Variants in FBH1 observed in about 807,000 individuals in gnomAD.
The protein encoded by FBH1 is DNA 3'-5' helicase 1.
In FBH1, 43 loss-of-function variants were observed where a neutral mutation model predicts 115.5. The ratio of observed to expected loss-of-function variants is 0.37; its 90% CI spans 0.29 to 0.48. The LOEUF (loss-of-function observed/expected upper bound fraction) is 0.48. Among genes scored for constraint, FBH1 ranks in the 20% least tolerant of loss-of-function variants. FBH1 has a pLI of 0.99. For missense variants in FBH1, 1,001 were observed against 1,337.3 expected (o/e 0.75, Z 3.92); for synonymous variants, 524 against 507.8 (o/e 1.03, Z -0.43).
At position 5,900,996 on chromosome 10, in the gene FBH1, C is replaced by G. The variant is rs1843311021; in HGVS notation, c.2-2024C>G. Among the ~76,000 whole-genome samples, 1 of 151,916 alleles carries G rather than the reference C, an allele frequency of 6.6e-6. No individual in the cohort carries two copies. Among genetic ancestry groups the G allele is most frequent in the African/African-American group, 2.4e-5 (1 of 41,326 alleles). On this transcript the variant is annotated intron_variant, in intron 1 of 20. Coordinates refer to ENST00000362091, the MANE Select transcript of FBH1 (RefSeq NM_178150.3). The surrounding 1 kb of genome is among the most constrained non-coding windows in gnomAD (Gnocchi z 4.2). ...CCTGTAGTCCCAGCTACTTGGGAGG[C>G]CAAGGCAAGAAAATCACTTGAACCC...
At chr10:5,902,347 AAAG>A (rs1346590580) in intron 1 of FBH1, among the ~76,000 whole-genome samples, 37 of 152,340 alleles carry the variant, frequency 2.4e-4, no homozygotes, top group Admixed American at 6.5e-4. Context: ...ATTTAACAAA[AAAG>A]AAAGTTATAA....
chr10:5,918,626 C>A lies in FBH1; in HGVS notation c.2100+148C>A. 1 of 1,060,228 alleles carries A rather than the reference C, an allele frequency of 9.4e-7. No individual in the cohort carries two copies. The highest frequency in any genetic ancestry group is 1.3e-6 in the Non-Finnish European group (1 of 779,682). 65.7% of individuals were successfully genotyped at this position (1,060,228 alleles called of 1,614,324 possible). A position where few individuals can be genotyped will look rare whatever the true frequency, so the allele number is the denominator to read the frequency against. On this transcript the variant is annotated intron_variant, in intron 13 of 20. Transcript: ENST00000362091. This position sits in a 1 kb window ranked among gnomAD's most constrained non-coding sequence, Gnocchi z 4.0. Reference sequence around the variant, plus strand: ...TTCTCAAAGTGTGGTTCTCAGGGGTCTGCCAAGTCACACTGTTTTCATAAG... The same window carrying A: ...TTCTCAAAGTGTGGTTCTCAGGGGTATGCCAAGTCACACTGTTTTCATAAG...
Position 5,910,883 on chromosome 10 carries a change from C to G in FBH1, c.1021-55C>G. ...TTCCTGACTCCTTCCTGCTGTGATT[C>G]GTATTAACCATGGCCTGTGGGCTGT... On this transcript the variant is annotated intron_variant, in intron 5 of 20. Coordinates refer to ENST00000362091, the MANE Select transcript of FBH1 (RefSeq NM_178150.3). This position sits in a 1 kb window ranked among gnomAD's most constrained non-coding sequence, Gnocchi z 4.8. 6.7e-7 allele frequency: 1 copy of G among 1,484,198 alleles called. No individual in the cohort carries two copies. Among genetic ancestry groups the G allele is most frequent in the East Asian group, 2.3e-5 (1 of 43,360 alleles). 91.9% of individuals were successfully genotyped at this position (1,484,198 alleles called of 1,614,324 possible).
chr10:5,915,186 C>T lies in FBH1; in HGVS notation c.1397-217C>T, dbSNP rs1209277904. ...AGGGGTCCACCTGTCCTTTGCCCCT[C>T]GGCTGGAGCCTGCCCCAGCTGAGAT... On this transcript the variant is annotated intron_variant, in intron 8 of 20. Coordinates refer to ENST00000362091, the MANE Select transcript of FBH1 (RefSeq NM_178150.3). This position sits in a 1 kb window ranked among gnomAD's most constrained non-coding sequence, Gnocchi z 5.2. 5.3e-5 allele frequency among the ~76,000 whole-genome samples: 8 copies of T among 152,194 alleles called. No homozygotes were observed. Among genetic ancestry groups the T allele is most frequent in the South Asian group, 2.1e-4 (1 of 4,826 alleles).
chr10:5,937,220 G>A lies in FBH1; in HGVS notation c.3072G>A (p.Glu1024=). ...TASPEQVRAM[E]RTVENIVLPR... is the part of the protein sequence containing the mutation. ...CCCCGGAGCAGGTGCGCGCCATGGA[G>A]CGCACTGTGGAGAACATCGTACTGC... The change falls in exon 21 of 21, where the codon GAG becomes GAA. Residue 1024 remains glutamate (E), a synonymous_variant. Transcript: ENST00000362091. 6.2e-7 allele frequency: 1 copy of A among 1,613,796 alleles called. No homozygotes were observed. Among genetic ancestry groups the A allele is most frequent in the Non-Finnish European group, 8.5e-7 (1 of 1,179,874 alleles).
intron 1 of FBH1, among the ~76,000 whole-genome samples, chr10:5,892,727 C>G (rs1842802584): frequency 6.6e-6 from 1 of 152,224 alleles, no homozygotes; most frequent in Non-Finnish European, 1.5e-5. Flanking sequence ...CTCTTTTATT[C>G]CTTAACATGG....
In FBH1 at chr10:5,924,522, T is replaced by C. The variant is rs368277862; in HGVS notation, c.2596+14T>C. 2.5e-6 allele frequency: 4 copies of C among 1,613,134 alleles called. No individual in the cohort carries two copies. The African/African-American group carries it at 4.0e-5, about 16-fold the overall frequency. On this transcript the variant is annotated intron_variant, in intron 17 of 20. Transcript: ENST00000362091. This position sits in a 1 kb window ranked among gnomAD's most constrained non-coding sequence, Gnocchi z 6.2. ...TGGACTTTGCAGGTAAGGGAAGCAG[T>C]TGGTTTTTACCTTCCCCCTAAGAGG... is the stretch of plus-strand genomic sequence containing the variant.
In FBH1 at chr10:5,906,584, C is replaced by T; in HGVS notation, c.705C>T (p.Asn235=). ...TCCCGGTGGAAGACCTCTATTGGAA[C>T]CTGAGCTTGGTGTGCCACTTGTGGA... ...AFLPVEDLYW[N]LSLVCHLWRE... is the part of the protein sequence containing the mutation. The change falls in exon 3 of 21, where the codon AAC becomes AAT. Residue 235 remains asparagine (N), a synonymous_variant. Coordinates refer to ENST00000362091, the MANE Select transcript of FBH1 (RefSeq NM_178150.3). The surrounding 1 kb of genome is among the most constrained non-coding windows in gnomAD (Gnocchi z 7.3). 6.2e-7 allele frequency: 1 copy of T among 1,613,024 alleles called. No individual in the cohort carries two copies. The highest frequency in any genetic ancestry group is 8.5e-7 in the Non-Finnish European group (1 of 1,179,856).
In FBH1 at chr10:5,906,889, A is replaced by G. The variant is rs111683620; in HGVS notation, c.753+257A>G. Among the ~76,000 whole-genome samples the G allele has an allele frequency of 0.012, 1,786 of 151,274 alleles. 35 individuals are homozygous for G. The highest frequency in any genetic ancestry group is 0.041 in the African/African-American group (1,705 of 41,144). On this transcript the variant is annotated intron_variant, in intron 3 of 20. Transcript: ENST00000362091. This position sits in a 1 kb window ranked among gnomAD's most constrained non-coding sequence, Gnocchi z 7.3. ...GCTGTGCCCTGACCACAGACTGCAC[A>G]TTCCTTCCCCTCCCTGGGTTGCTCT...
At chr10:5,928,572 T>C (rs1832789700) in intron 19 of FBH1, 1 of 152,214 alleles carries the variant, frequency 6.6e-6, no homozygotes. Flanking sequence ...GAAGAACACA[T>C]CCTTGCCGGG....
At position 5,892,551 on chromosome 10, in the gene FBH1, T is replaced by C. The variant is rs572650551; in HGVS notation, c.1+2205T>C. Among the ~76,000 whole-genome samples, 4 of 152,364 alleles carry C rather than the reference T, an allele frequency of 2.6e-5. No individual in the cohort carries two copies. In the East Asian group the frequency reaches 7.7e-4, roughly 29 times the overall value. ...ATCTCAAATCTTATATCTGTAACTG[T>C]CATTCACATGCCTTTTGAAGACCAG... On this transcript the variant is annotated intron_variant, in intron 1 of 20. Coordinates refer to ENST00000362091, the MANE Select transcript of FBH1 (RefSeq NM_178150.3).
intron 1 of FBH1, among the ~76,000 whole-genome samples, chr10:5,901,429 A>G (rs61832959): frequency 0.29 from 44,037 of 151,946 alleles, 6,924 homozygotes; most frequent in Non-Finnish European, 0.35. Flanking sequence ...AAGTGCTGGG[A>G]TTACAGGTGT....
chr10:5,924,538 C>G lies in FBH1; in HGVS notation c.2596+30C>G, dbSNP rs778761635. On this transcript the variant is annotated intron_variant, in intron 17 of 20. Coordinates refer to ENST00000362091, the MANE Select transcript of FBH1 (RefSeq NM_178150.3). This position sits in a 1 kb window ranked among gnomAD's most constrained non-coding sequence, Gnocchi z 6.2. ...GGGAAGCAGTTGGTTTTTACCTTCC[C>G]CCTAAGAGGAGGAACAGATGGTCTT... 6.2e-6 allele frequency: 10 copies of G among 1,601,664 alleles called. No individual in the cohort carries two copies. The highest frequency in any genetic ancestry group is 8.5e-6 in the Non-Finnish European group (10 of 1,169,738).
rs41290323 is a variant in FBH1 at position 5,923,757 on chromosome 10, A to G, written c.2398+61A>G. ...CGCACCCAAGTGACAGGGACGAGAA[A>G]GAAGCAGGCCCAGTCTGAGTCAGGG... On this transcript the variant is annotated intron_variant, in intron 16 of 20. Coordinates refer to ENST00000362091, the MANE Select transcript of FBH1 (RefSeq NM_178150.3). The surrounding 1 kb of genome is among the most constrained non-coding windows in gnomAD (Gnocchi z 5.7). 16,067 of 1,473,854 alleles carry G rather than the reference A, an allele frequency of 0.011. 123 individuals are homozygous for G. The highest frequency in any genetic ancestry group is 0.036 in the Middle Eastern group (205 of 5,772). 91.3% of individuals were successfully genotyped at this position (1,473,854 alleles called of 1,614,324 possible). A position where few individuals can be genotyped will look rare whatever the true frequency, so the allele number is the denominator to read the frequency against.
At position 5,913,665 on chromosome 10, in the gene FBH1, G is replaced by A; in HGVS notation, c.1212-82G>A. The A allele has an allele frequency of 1.0e-6, 1 of 968,588 alleles. No individual in the cohort carries two copies. The highest frequency in any genetic ancestry group is 1.5e-6 in the Non-Finnish European group (1 of 658,342). The allele number at this position is 968,588 out of a possible 1,614,324, so 60.0% of individuals were successfully genotyped here. A position where few individuals can be genotyped will look rare whatever the true frequency, so the allele number is the denominator to read the frequency against. ...ATTTTCTTTTTAGAAATGGGAAGGA[G>A]TTTAAATCCATCTGAGGAAAAATAA... is the stretch of plus-strand genomic sequence containing the variant. On this transcript the variant is annotated intron_variant, in intron 6 of 20. Transcript: ENST00000362091. This position sits in a 1 kb window ranked among gnomAD's most constrained non-coding sequence, Gnocchi z 4.4.
In FBH1 at chr10:5,914,141, T is replaced by C. The variant is rs778871483; in HGVS notation, c.1305-37T>C. ...TCTATCCCCTGGACTTTTCACGTCT[T>C]TCTGTTTTTCTTACTTCTCTTTTGT... On this transcript the variant is annotated intron_variant, in intron 7 of 20. Coordinates refer to ENST00000362091, the MANE Select transcript of FBH1 (RefSeq NM_178150.3). The surrounding 1 kb of genome is among the most constrained non-coding windows in gnomAD (Gnocchi z 5.2). The C allele has an allele frequency of 1.9e-5, 30 of 1,597,820 alleles. No individual in the cohort carries two copies. Among genetic ancestry groups the C allele is most frequent in the Non-Finnish European group, 2.5e-5 (29 of 1,165,492 alleles).
At position 5,908,848 on chromosome 10, in the gene FBH1, C is replaced by T. The variant is rs183768833; in HGVS notation, c.754-77C>T. 1,730 of 1,511,398 alleles carry T rather than the reference C, an allele frequency of 1.1e-3. 17 individuals carry two copies. In the African/African-American group the frequency reaches 0.019, roughly 16 times the overall value. The allele number at this position is 1,511,398 out of a possible 1,614,324, so 93.6% of individuals were successfully genotyped here. ...CTAGTCTCAAACTCCTGACCTCAGG[C>T]GATCTGCCCGCCTCATTAATCTGCT... is the stretch of plus-strand genomic sequence containing the variant. On this transcript the variant is annotated intron_variant, in intron 3 of 20. Coordinates refer to ENST00000362091, the MANE Select transcript of FBH1 (RefSeq NM_178150.3).
rs1843268527 is a variant in FBH1 at position 5,900,353 on chromosome 10, C to T, written c.2-2667C>T. Among the ~76,000 whole-genome samples the T allele has an allele frequency of 1.3e-5, 2 of 152,310 alleles. No individual in the cohort carries two copies. The highest frequency in any genetic ancestry group is 1.9e-4 in the East Asian group (1 of 5,186). On this transcript the variant is annotated intron_variant, in intron 1 of 20. Transcript: ENST00000362091. The surrounding 1 kb of genome is among the most constrained non-coding windows in gnomAD (Gnocchi z 4.2). ...TTGGGCGCGTTCAGGGTGGTATGGC[C>T]GTAGACCTATCAGACTTAGAGACCT...
rs369700574 is a variant in FBH1 at position 5,925,517 on chromosome 10, G to C, written c.2722+25G>C. On this transcript the variant is annotated intron_variant, in intron 18 of 20. Transcript: ENST00000362091. This position sits in a 1 kb window ranked among gnomAD's most constrained non-coding sequence, Gnocchi z 4.6. ...GGTAAGAGGCCGCCGGGTAGTGTCA[G>C]GTGCTGCTGTATGTAGTGAGTGGTG... 6 of 1,612,440 alleles carry C rather than the reference G, an allele frequency of 3.7e-6. No homozygotes were observed. In the African/African-American group the frequency reaches 8.0e-5, roughly 22 times the overall value.
Sources: allele counts gnomAD v4.1 joint callset (sites outside exome capture counted in the v4.1 genomes callset), GRCh38; gene constraint gnomAD v4.1.1; non-coding constraint Gnocchi (gnomAD v3.1); transcripts MANE v1.5; gene names NCBI Gene and HGNC (gene_info 2026-07-23, HGNC 2026-07-21).